Variants in TGFBR2 observed in about 807,000 individuals in gnomAD.
TGFBR2 encodes transforming growth factor beta receptor 2.
A neutral mutation model predicts 49.0 loss-of-function variants in TGFBR2; 18 were observed. That is an observed-to-expected ratio of 0.37 (90% confidence interval 0.25 to 0.54). TGFBR2 has a LOEUF of 0.54. Ranked by LOEUF, TGFBR2 falls within the 20% of genes least tolerant of loss-of-function variation. The pLI, the probability that TGFBR2 is intolerant of heterozygous loss-of-function variation, is 0.85. For synonymous variants in TGFBR2, 282 were observed against 275.9 expected, an observed-to-expected ratio of 1.02 and a Z score of -0.22; for missense variants, 525 against 722.6, an observed-to-expected ratio of 0.73 and a Z score of 3.13.
At chr3:30,675,840 T>A (rs1699430060) in intron 5 of TGFBR2, among the ~76,000 whole-genome samples, 1 of 152,236 alleles carries the variant, frequency 6.6e-6, no homozygotes, top group Admixed American at 6.5e-5. Flanking sequence ...CAAATTAACC[T>A]GGATTCAGTG....
chr3:30,677,088 G>A (rs1354812387), intron 5 of TGFBR2, among the ~76,000 whole-genome samples: 4 of 152,152 alleles, frequency 2.6e-5, no homozygotes, highest in Non-Finnish European at 4.4e-5. Flanking sequence ...AACATGAGCT[G>A]GAGATTGTGT....
intron 5 of TGFBR2, among the ~76,000 whole-genome samples, chr3:30,680,523 T>C (rs1200514169): frequency 7.5e-6 from 1 of 133,648 alleles, no homozygotes; most frequent in African/African-American, 2.9e-5. Context: ...GGAAGTCTAG[T>C]GAAGAGCCAG....
intron 3 of TGFBR2, among the ~76,000 whole-genome samples, chr3:30,658,576 G>T (rs191117047): frequency 1.3e-5 from 2 of 152,170 alleles, no homozygotes; most frequent in African/African-American, 4.8e-5. Context: ...TTGCTGACTC[G>T]CAAGCTATGT....
intron 3 of TGFBR2, among the ~76,000 whole-genome samples, chr3:30,652,101 G>T (rs982852487): frequency 2.0e-5 from 3 of 152,066 alleles, no homozygotes; most frequent in African/African-American, 7.2e-5. Context: ...CATCCCCCAG[G>T]CCAACTTCTC....
chr3:30,688,018 A>G (rs114836705), intron 5 of TGFBR2, among the ~76,000 whole-genome samples: 2,368 of 152,298 alleles, frequency 0.016, 31 homozygotes, highest in South Asian at 0.028. Flanking sequence ...TGTAATACAT[A>G]AGATTTTTCC....
At chr3:30,654,114 G>C (rs956938804) in intron 3 of TGFBR2, among the ~76,000 whole-genome samples, 2 of 151,854 alleles carry the variant, frequency 1.3e-5, no homozygotes, top group Non-Finnish European at 2.9e-5. Flanking sequence ...TGTTTCCAAA[G>C]AGATAATATA....
chr3:30,688,762 C>A (rs11466527), intron 6 of TGFBR2, among the ~76,000 whole-genome samples: 8 of 152,194 alleles, frequency 5.3e-5, no homozygotes, highest in African/African-American at 1.9e-4. Flanking sequence ...TTTTCCAAGC[C>A]CCCTTGGTCC....
chr3:30,639,156 TA>T (rs1698596999), intron 1 of TGFBR2, among the ~76,000 whole-genome samples: 1 of 152,110 alleles, frequency 6.6e-6, no homozygotes, highest in Non-Finnish European at 1.5e-5. Flanking sequence ...AAACAATTAT[TA>T]AAAACTGGGT....
intron 3 of TGFBR2, among the ~76,000 whole-genome samples, chr3:30,651,465 A>G (rs1466871531): frequency 2.0e-5 from 3 of 152,166 alleles, no homozygotes; most frequent in Admixed American, 1.3e-4. Flanking sequence ...TGATCATACT[A>G]TAAATATTAT....
At chr3:30,618,055 G>A (rs917656697) in intron 1 of TGFBR2, among the ~76,000 whole-genome samples, 3 of 152,108 alleles carry the variant, frequency 2.0e-5, no homozygotes, top group African/African-American at 4.8e-5. Context: ...TTCCTAAGCC[G>A]TTTTAACTAA....
At chr3:30,636,277 A>C (rs763068333) in intron 1 of TGFBR2, among the ~76,000 whole-genome samples, 6 of 151,502 alleles carry the variant, frequency 4.0e-5, no homozygotes, top group Non-Finnish European at 7.4e-5. Context: ...TTCCTGCTCT[A>C]AGAGATTTTA....
rs533326606 is a variant in TGFBR2, at chr3:30,610,643, T to A, written c.94+3666T>A. Among the ~76,000 whole-genome samples, 15 of 152,338 alleles carry A rather than the reference T, an allele frequency of 9.8e-5. No individual in the cohort carries two copies. In the East Asian group the frequency reaches 2.3e-3, roughly 23 times the overall value. On this transcript the variant is annotated intron_variant, in intron 1 of 6. Transcript: ENST00000295754. ...TGTAGCCTGTTGTAGTTGCTTTACC[T>A]ACTAGTCATCCCTGGTCTCATTTGT...
At position 30,675,318 on chromosome 3, in the gene TGFBR2, TAGGTCTC is replaced by T. The variant is rs1699416059; in HGVS notation, c.1396+1074_1396+1080del. Among the ~76,000 whole-genome samples, 6 of 152,266 alleles carry T rather than the reference TAGGTCTC, an allele frequency of 3.9e-5. No homozygotes were observed. In the South Asian group the frequency reaches 1.2e-3, roughly 32 times the overall value. ...TTATTTCTTAGGTGAGACAGGGTCTTAGGTCTCACCTGAGAAATCTGTGCACCCAAGT... is the reference window on the plus strand; with the variant it reads ...TTATTTCTTAGGTGAGACAGGGTCTTACCTGAGAAATCTGTGCACCCAAGT... On this transcript the variant is annotated intron_variant, in intron 5 of 6. Transcript: ENST00000295754.
intron 3 of TGFBR2, among the ~76,000 whole-genome samples, chr3:30,659,483 A>C (rs759849804): frequency 1.3e-5 from 2 of 152,118 alleles, no homozygotes; most frequent in South Asian, 2.1e-4. Flanking sequence ...CAGTTGAAGG[A>C]AGCTTAGAAT....
chr3:30,627,636 A>C (rs1362948380), intron 1 of TGFBR2, among the ~76,000 whole-genome samples: 1 of 151,898 alleles, frequency 6.6e-6, no homozygotes, highest in Non-Finnish European at 1.5e-5. Flanking sequence ...AGATGAAAAT[A>C]TCTTATACCT....
chr3:30,628,285 C>T (rs1411888624), intron 1 of TGFBR2, among the ~76,000 whole-genome samples: 2 of 151,882 alleles, frequency 1.3e-5, no homozygotes, highest in South Asian at 2.1e-4. Flanking sequence ...GAAGTTAAAG[C>T]GGCCAATAGA....
intron 5 of TGFBR2, among the ~76,000 whole-genome samples, chr3:30,682,644 C>T (rs935430125): frequency 6.6e-6 from 1 of 152,216 alleles, no homozygotes; most frequent in African/African-American, 2.4e-5. Context: ...ATGAGATTCT[C>T]ATCCTTACCT....
At chr3:30,634,621 C>T (rs2125395150) in intron 1 of TGFBR2, among the ~76,000 whole-genome samples, 1 of 152,272 alleles carries the variant, frequency 6.6e-6, no homozygotes, top group Admixed American at 6.5e-5. Flanking sequence ...CTCCGTCAGT[C>T]GTGTATCATT....
rs545194890 is a variant in TGFBR2, at chr3:30,668,689, TTA to T, written c.455-2947_455-2946del. Among the ~76,000 whole-genome samples the T allele has an allele frequency of 3.9e-3, 594 of 152,260 alleles. 4 individuals are homozygous for T. Among genetic ancestry groups the T allele is most frequent in the African/African-American group, 0.014 (572 of 41,558 alleles). On this transcript the variant is annotated intron_variant, in intron 3 of 6. Coordinates refer to ENST00000295754, the MANE Select transcript of TGFBR2 (RefSeq NM_003242.6). The stretch of plus-strand genomic sequence containing the variant: ...AATCCAAGCCTCCCAGTGTAAGAAT[TTA>T]TGTTTTTAAGGATCAATCACCAAAT...
Sources: gnomAD v4.1 joint callset for allele counts (sites outside exome capture counted in the v4.1 genomes callset) on GRCh38, gnomAD v4.1.1 for gene constraint, MANE v1.5 for transcripts, NCBI Gene and HGNC (gene_info 2026-07-23, HGNC 2026-07-21) for gene names.